GCLC: variants seen among roughly 807,000 people sequenced by gnomAD.
The protein encoded by GCLC is glutamate-cysteine ligase catalytic subunit, also known as glutamate--cysteine ligase catalytic subunit.
In GCLC, 30 loss-of-function variants were observed where a neutral mutation model predicts 81.5. That is an observed-to-expected ratio of 0.37 (90% CI 0.28 to 0.50). The LOEUF is 0.50. Ranked by LOEUF, GCLC falls within the 20% of genes least tolerant of loss-of-function variation. The probability of loss-of-function intolerance (pLI) is 0.96; values close to 1 mark genes in which losing one functional copy is unlikely to be tolerated. For missense variants in GCLC, 556 were observed against 777.4 expected, an observed-to-expected ratio of 0.72 and a Z score of 3.39; for synonymous variants, 262 against 273.3, an observed-to-expected ratio of 0.96 and a Z score of 0.41.
At chr6:53,514,120 G>C in intron 6 of GCLC, 84 bp downstream of exon 6, 1 of 1,301,734 alleles carries the variant, frequency 7.7e-7, no homozygotes, top group South Asian at 1.2e-5. Context: ...TGTGATTTTT[G>C]GAACAGGAAA....
intron 3 of GCLC, among the ~76,000 whole-genome samples, chr6:53,517,511 TC>T (rs1762897375): frequency 6.6e-6 from 1 of 152,096 alleles, no homozygotes; most frequent in African/African-American, 2.4e-5. Flanking sequence ...AGAAAACAGT[TC>T]CCAGCTACAA....
chr6:53,526,949 T>A (rs768572973), intron 1 of GCLC, among the ~76,000 whole-genome samples: 3 of 152,300 alleles, frequency 2.0e-5, no homozygotes, highest in Non-Finnish European at 4.4e-5. Flanking sequence ...CAGTTCCCCA[T>A]TTAGGGAGAA....
chr6:53,508,083 G>A (rs58914529), intron 8 of GCLC, among the ~76,000 whole-genome samples: 1 of 152,168 alleles, frequency 6.6e-6, no homozygotes, highest in African/African-American at 2.4e-5. Context: ...ACCCTTGTTC[G>A]GGTCCCATCC....
At chr6:53,537,031 AC>A (rs1763268058) in intron 1 of GCLC, among the ~76,000 whole-genome samples, 1 of 152,202 alleles carries the variant, frequency 6.6e-6, no homozygotes, top group South Asian at 2.1e-4. Flanking sequence ...ACAACACTAA[AC>A]TGCACAATAA....
At chr6:53,514,028 T>C (rs1764808969) in intron 6 of GCLC, 176 bp downstream of exon 6, 1 of 645,784 alleles carries the variant, frequency 1.5e-6, no homozygotes, top group South Asian at 1.9e-5. Context: ...CTATTAGTCA[T>C]AGACAGCTTC....
rs1764667390 is a variant in GCLC, at chr6:53,508,592, C to G, written c.945+3G>C. On this transcript the variant is annotated splice_donor_region_variant and intron_variant, in intron 8 of 15. Transcript: ENST00000650454. ...AGGGCTATTAAGGAAAAACAATTCCCACCTCCAGTCCTCGCTCCTCCCGAG... is the reference window on the plus strand; with the variant it reads ...AGGGCTATTAAGGAAAAACAATTCCGACCTCCAGTCCTCGCTCCTCCCGAG... 2 of 1,561,360 alleles carry G rather than the reference C, an allele frequency of 1.3e-6. No individual in the cohort carries two copies. The highest frequency in any genetic ancestry group is 1.8e-6 in the Non-Finnish European group (2 of 1,131,882).
chr6:53,538,125 T>A (rs1353913496), intron 1 of GCLC, among the ~76,000 whole-genome samples: 4 of 148,978 alleles, frequency 2.7e-5, no homozygotes, highest in African/African-American at 7.4e-5. Flanking sequence ...AGGCATTTTC[T>A]TTTTTCTTTC....
intron 1 of GCLC, among the ~76,000 whole-genome samples, chr6:53,529,851 C>G (rs960674514): frequency 3.3e-5 from 5 of 152,326 alleles, no homozygotes; most frequent in African/African-American, 1.2e-4. Flanking sequence ...GCGGTTCCCT[C>G]TAGGTGCAGG....
chr6:53,524,117 T>C (rs865966508), intron 1 of GCLC, among the ~76,000 whole-genome samples: 20 of 152,328 alleles, frequency 1.3e-4, no homozygotes, highest in Middle Eastern at 3.4e-3. Flanking sequence ...TACAAGTTAA[T>C]CTTTAAATAA....
At chr6:53,501,208 CG>C (rs1369621615) in intron 12 of GCLC, 1 of 155,530 alleles carries the variant, frequency 6.4e-6, no homozygotes, top group Non-Finnish European at 1.4e-5. Flanking sequence ...CGTGAGCCAC[CG>C]CGCCCGGCCT....
At chr6:53,532,441 T>C (rs1763189808) in intron 1 of GCLC, among the ~76,000 whole-genome samples, 1 of 152,236 alleles carries the variant, frequency 6.6e-6, no homozygotes. Flanking sequence ...TTCCCAGTTC[T>C]TGCTCTATTT....
rs760292550 is a variant in GCLC, at chr6:53,514,231, T to C, written c.726A>G (p.Gly242=). 1 of 1,613,962 alleles carries C rather than the reference T, an allele frequency of 6.2e-7. No individual in the cohort carries two copies. The highest frequency in any genetic ancestry group is 2.2e-5 in the East Asian group (1 of 44,874). The change falls in exon 6 of 16, where the codon GGA becomes GGG. Residue 242 remains glycine (G), a synonymous_variant. Transcript: ENST00000650454. ...GGAGACAGCAATTGCCCATTCCAAATCCCATGGCATCCATGTAAATATGAT... is the reference window on the plus strand; with the variant it reads ...GGAGACAGCAATTGCCCATTCCAAACCCCATGGCATCCATGTAAATATGAT... ...KPDHIYMDAM[G]FGMGNCCLQV... is the part of the protein sequence containing the mutation.
chr6:53,521,461 C>T (rs899086266), intron 2 of GCLC, among the ~76,000 whole-genome samples: 4 of 151,916 alleles, frequency 2.6e-5, no homozygotes, highest in Non-Finnish European at 4.4e-5. Context: ...AACCCAAAAT[C>T]TTTATAAGTA....
intron 6 of GCLC, chr6:53,509,647 T>C (rs1222284196): frequency 4.0e-6 from 1 of 251,170 alleles, no homozygotes; most frequent in Non-Finnish European, 7.8e-6. Context: ...GTTTTCTTTC[T>C]TTCTTCCTTT....
At chr6:53,509,029 T>C in intron 7 of GCLC, 147 bp downstream of exon 7, 1 of 666,634 alleles carries the variant, frequency 1.5e-6, no homozygotes, top group South Asian at 1.7e-5. Flanking sequence ...CTCAGTTCAT[T>C]ATACCTAAAC....
At chr6:53,542,329 G>A (rs1453426568) in intron 1 of GCLC, among the ~76,000 whole-genome samples, 2 of 152,152 alleles carry the variant, frequency 1.3e-5, no homozygotes, top group African/African-American at 4.8e-5. Flanking sequence ...ATCTTTTGGA[G>A]TGGGAAGGAG....
Position 53,498,977 on chromosome 6 carries a change from A to G in GCLC, c.1703-10T>C, listed in dbSNP as rs2066506. The G allele has an allele frequency of 2.5e-6, 4 of 1,586,782 alleles. No homozygotes were observed. Among genetic ancestry groups the G allele is most frequent in the African/African-American group, 1.3e-5 (1 of 74,104 alleles). On this transcript the variant is annotated splice_polypyrimidine_tract_variant and intron_variant, in intron 15 of 15. Coordinates refer to ENST00000650454, the MANE Select transcript of GCLC (RefSeq NM_001498.4). Reference sequence around the variant, plus strand: ...ACTGTCATTAGTTCTCCTGTGGGCGAGGGGGGAGCGAAAAAAAAATTAAAA... The same window carrying G: ...ACTGTCATTAGTTCTCCTGTGGGCGGGGGGGGAGCGAAAAAAAAATTAAAA...
rs1038606323 is a variant in GCLC, at chr6:53,509,061, C to T, written c.828+115G>A. ...AAACCTACATACTATTTATATTAGT[C>T]CATCTCTGACTGAGGTCTTAACTGG... On this transcript the variant is annotated intron_variant, in intron 7 of 15. Coordinates refer to ENST00000650454, the MANE Select transcript of GCLC (RefSeq NM_001498.4). The T allele has an allele frequency of 7.0e-6, 5 of 717,078 alleles. 1 individual carries two copies. The African/African-American group carries it at 8.7e-5, about 13-fold the overall frequency. The allele number at this position is 717,078 out of a possible 1,614,324, so 44.4% of individuals were successfully genotyped here.
rs1183400874 is a variant in GCLC at position 53,544,991 on chromosome 6, G to A, written c.-346C>T. On this transcript the variant is annotated 5_prime_UTR_variant, in exon 1 of 16. Transcript: ENST00000650454. The stretch of plus-strand genomic sequence containing the variant: ...ACCCCACGGCCGCGCTGCCGCGGCG[G>A]CTCCCGCTTCTCTTTGCCGGTCTGG... 5.4e-6 allele frequency: 1 copy of A among 186,014 alleles called. No homozygotes were observed. The highest frequency in any genetic ancestry group is 1.1e-5 in the Non-Finnish European group (1 of 90,728). 11.5% of individuals were successfully genotyped at this position (186,014 alleles called of 1,614,324 possible).
Sources: gnomAD v4.1 joint callset for allele counts (sites outside exome capture counted in the v4.1 genomes callset) on GRCh38, gnomAD v4.1.1 for gene constraint, MANE v1.5 for transcripts, NCBI Gene and HGNC (gene_info 2026-07-23, HGNC 2026-07-21) for gene names.